Variants in PDE6A observed in about 807,000 individuals in gnomAD.
PDE6A encodes rod cGMP-specific 3',5'-cyclic phosphodiesterase subunit alpha.
Under a neutral mutation model 106.3 loss-of-function variants are expected in PDE6A, and 84 were observed. The ratio of observed to expected loss-of-function variants is 0.79; its 90% CI spans 0.66 to 0.95. PDE6A has a LOEUF of 0.95. PDE6A is among the 40% of genes least tolerant of loss of function. The pLI, the probability that PDE6A is intolerant of heterozygous loss-of-function variation, is 0.00. For missense variants in PDE6A, 1,052 were observed against 1,084.9 expected (o/e 0.97, Z 0.43); for synonymous variants, 394 against 386.6 (o/e 1.02, Z -0.23).
In PDE6A at chr5:149,916,616, T is replaced by A. The variant is rs140562958; in HGVS notation, c.934-1609A>T. 6.7e-3 allele frequency among the ~76,000 whole-genome samples: 1,024 copies of A among 152,346 alleles called. 34 individuals are homozygous for A. The highest frequency in any genetic ancestry group is 0.045 in the Admixed American group (685 of 15,304). On this transcript the variant is annotated intron_variant, in intron 5 of 21. Coordinates refer to ENST00000255266, the MANE Select transcript of PDE6A (RefSeq NM_000440.3). ...TCTTCAATTACATTACTCTCTAGCA[T>A]GCAATTGGATGTTGGCATGTGACTC...
chr5:149,896,916 T>C, intron 10 of PDE6A, 140 bp from the exon 11 acceptor site: 1 of 922,258 alleles, frequency 1.1e-6, no homozygotes, highest in South Asian at 1.4e-5. Context: ...CATCCATTGA[T>C]GCACAAGGTC....
intron 9 of PDE6A, among the ~76,000 whole-genome samples, chr5:149,898,713 G>A (rs563526337): frequency 6.6e-6 from 1 of 152,294 alleles, no homozygotes; most frequent in African/African-American, 2.4e-5. Flanking sequence ...CTAACATACA[G>A]AAAGTACCAT....
At chr5:149,872,320 A>G (rs1024885173) in intron 17 of PDE6A, among the ~76,000 whole-genome samples, 13 of 152,318 alleles carry the variant, frequency 8.5e-5, no homozygotes, top group African/African-American at 3.1e-4. Flanking sequence ...GCAGTTTCCT[A>G]TGGGTCAATG....
At chr5:149,887,534 T>C (rs1432106316) in intron 13 of PDE6A, among the ~76,000 whole-genome samples, 1 of 152,146 alleles carries the variant, frequency 6.6e-6, no homozygotes, top group East Asian at 1.9e-4. Context: ...TGGTGGCACA[T>C]ACCTGTGGTC....
intron 1 of PDE6A, among the ~76,000 whole-genome samples, chr5:149,937,356 A>C (rs1390766228): frequency 6.6e-6 from 1 of 152,148 alleles, no homozygotes; most frequent in Non-Finnish European, 1.5e-5. Context: ...CATGGGAAAG[A>C]GTTTTGATTT....
rs1003456491 is a variant in PDE6A, at chr5:149,942,222, C to A, written c.474+1978G>T. ...AAGTGGTCTTCCCACCTCAGCCTCC[C>A]AAAGTGCTGGGATTACAGGTGTGAG... is the stretch of plus-strand genomic sequence containing the variant. On this transcript the variant is annotated intron_variant, in intron 1 of 21. Transcript: ENST00000255266. Among the ~76,000 whole-genome samples, 5 of 152,210 alleles carry A rather than the reference C, an allele frequency of 3.3e-5. No homozygotes were observed. The East Asian group carries it at 9.6e-4, about 29-fold the overall frequency.
chr5:149,931,222 A>G (rs1012239476), intron 3 of PDE6A, 54 bp from the exon 4 acceptor site: 1 of 1,541,982 alleles, frequency 6.5e-7, no homozygotes, highest in Non-Finnish European at 9.0e-7. Flanking sequence ...GTAGTAGCTC[A>G]CTTAGCTGGA....
chr5:149,906,201 G>A (rs1753174188), intron 7 of PDE6A, among the ~76,000 whole-genome samples: 1 of 151,756 alleles, frequency 6.6e-6, no homozygotes, highest in African/African-American at 2.4e-5. Flanking sequence ...TGAATCTCCT[G>A]CTTGTCTACC....
chr5:149,899,368 G>C lies in PDE6A; in HGVS notation c.1263+7C>G. On this transcript the variant is annotated splice_region_variant and intron_variant, in intron 9 of 21. Transcript: ENST00000255266. ...CCAACAGCAAAAGGCCTCCTAGCAA[G>C]CCATACCTCCATGAGCGTCTCATCC... 1 of 1,614,028 alleles carries C rather than the reference G, an allele frequency of 6.2e-7. No individual in the cohort carries two copies. The highest frequency in any genetic ancestry group is 8.5e-7 in the Non-Finnish European group (1 of 1,179,930).
At chr5:149,883,259 CAT>C (rs1227649367) in intron 17 of PDE6A, among the ~76,000 whole-genome samples, 168 bp downstream of exon 17, 6 of 152,058 alleles carry the variant, frequency 3.9e-5, no homozygotes, top group African/African-American at 1.4e-4. Context: ...AAAGATTAAA[CAT>C]GTGGCTTGTG....
intron 8 of PDE6A, among the ~76,000 whole-genome samples, chr5:149,901,477 G>A (rs578143623): frequency 1.2e-4 from 19 of 152,268 alleles, no homozygotes; most frequent in African/African-American, 2.6e-4. Flanking sequence ...GTGGTGAGCC[G>A]AGATCGTGCC....
chr5:149,913,639 C>T (rs914516663), intron 6 of PDE6A, among the ~76,000 whole-genome samples: 3 of 152,110 alleles, frequency 2.0e-5, no homozygotes, highest in African/African-American at 7.2e-5. Flanking sequence ...TTCAGTTGGA[C>T]AAAATTGCTG....
At chr5:149,911,791 G>A (rs1753395317) in intron 6 of PDE6A, among the ~76,000 whole-genome samples, 1 of 142,810 alleles carries the variant, frequency 7.0e-6, no homozygotes, top group South Asian at 2.2e-4. Context: ...TTGAGCTCAG[G>A]AGTTTGAAGA....
intron 17 of PDE6A, among the ~76,000 whole-genome samples, chr5:149,869,906 A>G (rs1186255691): frequency 1.3e-5 from 2 of 152,128 alleles, no homozygotes; most frequent in Non-Finnish European, 2.9e-5. Flanking sequence ...TAATTTTACA[A>G]TTAATCAGCT....
At chr5:149,934,796 A>C in intron 1 of PDE6A, 78 bp from the exon 2 acceptor site, 1 of 1,374,006 alleles carries the variant, frequency 7.3e-7, no homozygotes, top group Non-Finnish European at 1.0e-6. Context: ...CCCTGTTGAC[A>C]AGGGAATAAA....
At position 149,903,532 on chromosome 5, in the gene PDE6A, T is replaced by C. The variant is rs528921227; in HGVS notation, c.1113+116A>G. ...GGTACAGGAATTTTATCCTGTCATA[T>C]TTTCACTTTGTTGAGGCTGCTTCCC... On this transcript the variant is annotated intron_variant, in intron 8 of 21. Coordinates refer to ENST00000255266, the MANE Select transcript of PDE6A (RefSeq NM_000440.3). 15 of 818,524 alleles carry C rather than the reference T, an allele frequency of 1.8e-5. No individual in the cohort carries two copies. The East Asian group carries it at 3.7e-4, about 20-fold the overall frequency. The allele number at this position is 818,524 out of a possible 1,614,324, so 50.7% of individuals were successfully genotyped here.
chr5:149,943,709 T>C (rs1754380169), intron 1 of PDE6A, among the ~76,000 whole-genome samples: 1 of 151,818 alleles, frequency 6.6e-6, no homozygotes, highest in Non-Finnish European at 1.5e-5. Flanking sequence ...GGAAGTACTG[T>C]GGAGGTATTG....
chr5:149,886,458 C>T, intron 13 of PDE6A, 84 bp from the exon 14 acceptor site: 1 of 981,424 alleles, frequency 1.0e-6, no homozygotes, highest in Non-Finnish European at 1.6e-6. Flanking sequence ...AGGAGGAGGG[C>T]CCAGAACTAA....
Position 149,896,652 on chromosome 5 carries a change from C to T in PDE6A, c.1473+59G>A, listed in dbSNP as rs922145861. ...CTTTGCAAGGAGAAACCCCTGCATG[C>T]TCAGGAGCACTTTGCACTTGTTATA... On this transcript the variant is annotated intron_variant, in intron 11 of 21. Transcript: ENST00000255266. 64 of 1,613,790 alleles carry T rather than the reference C, an allele frequency of 4.0e-5. No individual in the cohort carries two copies. The African/African-American group carries it at 8.3e-4, about 21-fold the overall frequency.
Sources: gnomAD v4.1 joint callset for allele counts (sites outside exome capture counted in the v4.1 genomes callset) on GRCh38, gnomAD v4.1.1 for gene constraint, MANE v1.5 for transcripts, NCBI Gene and HGNC (gene_info 2026-07-23, HGNC 2026-07-21) for gene names.